Variants in SLC38A8 observed in about 807,000 individuals in gnomAD.
SLC38A8 encodes amino acid transporter SLC38A8.
SLC38A8 carries 65 observed loss-of-function variants against 46.0 expected under a neutral mutation model. The ratio of observed to expected loss-of-function variants is 1.41; its 90% CI spans 1.16 to 1.74. The LOEUF (loss-of-function observed/expected upper bound fraction) is 1.74. Ranked by LOEUF, SLC38A8 falls within the 40% of genes most tolerant of loss-of-function variation. The pLI is 0.00. For missense variants in SLC38A8, 998 were observed against 567.9 expected, an observed-to-expected ratio of 1.76 and a Z score of -7.70; for synonymous variants, 447 against 243.7, an observed-to-expected ratio of 1.83 and a Z score of -7.77.
intron 6 of SLC38A8, among the ~76,000 whole-genome samples, chr16:84,023,319 G>A (rs968687033): frequency 1.3e-5 from 2 of 152,152 alleles, no homozygotes; most frequent in African/African-American, 4.8e-5. Flanking sequence ...AGCAGGACTT[G>A]CATCAGGAAT....
At chr16:84,030,422 G>A (rs1477599102) in intron 5 of SLC38A8, among the ~76,000 whole-genome samples, 1 of 151,958 alleles carries the variant, frequency 6.6e-6, no homozygotes, top group African/African-American at 2.4e-5. Flanking sequence ...AGCACTCACA[G>A]CCTTCAATGC....
At chr16:84,032,684 A>C (rs1259071405) in intron 4 of SLC38A8, among the ~76,000 whole-genome samples, 1 of 152,204 alleles carries the variant, frequency 6.6e-6, no homozygotes, top group Non-Finnish European at 1.5e-5. Flanking sequence ...CAGAGACCTG[A>C]GGGAGGCTCG....
At chr16:84,042,320 A>C (rs981239134) in intron 1 of SLC38A8, among the ~76,000 whole-genome samples, 161 bp from the exon 2 acceptor site, 2 of 151,982 alleles carry the variant, frequency 1.3e-5, no homozygotes, top group Non-Finnish European at 2.9e-5. Flanking sequence ...TGCTGCATGC[A>C]TCTGCCCACG....
intron 8 of SLC38A8, 22 bp from the exon 9 acceptor site, chr16:84,016,749 G>C (rs775031541): frequency 6.2e-7 from 1 of 1,605,214 alleles, no homozygotes; most frequent in Non-Finnish European, 8.5e-7. Context: ...AGCCAACACA[G>C]ACACATGGGC....
chr16:84,034,340 C>A (rs375569055), intron 3 of SLC38A8, among the ~76,000 whole-genome samples: 2 of 152,266 alleles, frequency 1.3e-5, no homozygotes, highest in African/African-American at 4.8e-5. Context: ...CCACTAACCT[C>A]TCCGTGGAAA....
At chr16:84,038,294 A>G (rs7184319) in intron 2 of SLC38A8, among the ~76,000 whole-genome samples, 97,431 of 151,374 alleles carry the variant, frequency 0.64, 31,897 homozygotes, top group East Asian at 0.85. Context: ...CTGGGCCCCA[A>G]AGCGAGACTC....
chr16:84,042,122 T>G lies in SLC38A8; in HGVS notation c.36A>C (p.Pro12=). 1 of 1,613,694 alleles carries G rather than the reference T, an allele frequency of 6.2e-7. No individual in the cohort carries two copies. Among genetic ancestry groups the G allele is most frequent in the Non-Finnish European group, 8.5e-7 (1 of 1,179,864 alleles). The part of the protein sequence containing the change: ...EGQTPGSRGL[P]EKPHPATAAA... Reference sequence around the variant, plus strand: ...CAGCCGTGGCAGGGTGAGGCTTTTCTGGAAGGCCCCTGCTTCCTGGGGTCT... The same window carrying G: ...CAGCCGTGGCAGGGTGAGGCTTTTCGGGAAGGCCCCTGCTTCCTGGGGTCT... Residue 12 remains proline (P), a synonymous_variant, in exon 2 of 11, where the codon CCA becomes CCC. Transcript: ENST00000299709.
At position 84,024,221 on chromosome 16, in the gene SLC38A8, G is replaced by C. The variant is rs75989424; in HGVS notation, c.691-1332C>G. On this transcript the variant is annotated intron_variant, in intron 6 of 10. Transcript: ENST00000299709. Reference sequence around the variant, plus strand: ...GTGCTAGAAGGCAGGATGGTGGTTTGGGTAGGGTGGGTGCTACTGACCAGA... The same window carrying C: ...GTGCTAGAAGGCAGGATGGTGGTTTCGGTAGGGTGGGTGCTACTGACCAGA... Among the ~76,000 whole-genome samples the C allele has an allele frequency of 9.9e-3, 1,501 of 152,318 alleles. 35 individuals carry two copies. Among genetic ancestry groups the C allele is most frequent in the African/African-American group, 0.035 (1,454 of 41,576 alleles).
Position 84,033,437 on chromosome 16 carries a change from CGGGCGGGGT to C in SLC38A8, c.412_420del (p.Thr138_Pro140del), listed in dbSNP as rs2085268783. The stretch of plus-strand genomic sequence containing the variant: ...TGGTCTGCGTACCACGGCTGCGGGG[CGGGCGGGGT>C]GCCAGACAGGAGGGAGTCACACACT... On this transcript the variant is annotated inframe_deletion, in exon 4 of 11. Transcript: ENST00000299709. 1 of 1,610,402 alleles carries C rather than the reference CGGGCGGGGT, an allele frequency of 6.2e-7. No individual in the cohort carries two copies. Among genetic ancestry groups the C allele is most frequent in the South Asian group, 1.1e-5 (1 of 90,614 alleles).
chr16:84,038,116 G>A (rs1324652322), intron 2 of SLC38A8, among the ~76,000 whole-genome samples: 1 of 152,046 alleles, frequency 6.6e-6, no homozygotes, highest in Admixed American at 6.6e-5. Flanking sequence ...TTTGAGACCA[G>A]CCTGGCCAAC....
At chr16:84,034,549 G>C (rs1245877291) in intron 3 of SLC38A8, among the ~76,000 whole-genome samples, 1 of 152,236 alleles carries the variant, frequency 6.6e-6, no homozygotes, top group African/African-American at 2.4e-5. Flanking sequence ...CGAGGAGCTT[G>C]AGATGTCTTC....
At position 84,033,601 on chromosome 16, in the gene SLC38A8, C is replaced by T. The variant is rs1002689103; in HGVS notation, c.389-132G>A. ...CAGCCCCAGGAGCCCAGGGATCAGA[C>T]GACAAGTGAGATGGAGACAGGTCAC... On this transcript the variant is annotated intron_variant, in intron 3 of 10. Transcript: ENST00000299709. 5.3e-5 allele frequency: 55 copies of T among 1,038,684 alleles called. 1 individual carries two copies. The highest frequency in any genetic ancestry group is 1.5e-4 in the Admixed American group (5 of 32,284). The allele number at this position is 1,038,684 out of a possible 1,614,324, so 64.3% of individuals were successfully genotyped here.
chr16:84,031,455 C>G (rs189177140), intron 5 of SLC38A8, among the ~76,000 whole-genome samples: 128 of 152,318 alleles, frequency 8.4e-4, no homozygotes, highest in African/African-American at 3.1e-3. Flanking sequence ...GCTCTGAATC[C>G]CTGTACGACA....
At chr16:84,036,448 C>T (rs8053088) in intron 3 of SLC38A8, among the ~76,000 whole-genome samples, 1 of 152,104 alleles carries the variant, frequency 6.6e-6, no homozygotes, top group Non-Finnish European at 1.5e-5. Context: ...TGTGAAACGA[C>T]TTATCTCCAC....
chr16:84,026,201 T>C (rs916614590), intron 6 of SLC38A8, among the ~76,000 whole-genome samples: 2 of 152,098 alleles, frequency 1.3e-5, no homozygotes, highest in African/African-American at 2.4e-5. Flanking sequence ...TTTCTCCCTG[T>C]TTGACTCCGC....
chr16:84,009,993 AG>A (rs1428607004), intron 10 of SLC38A8, 116 bp from the exon 11 acceptor site: 17 of 735,126 alleles, frequency 2.3e-5, no homozygotes, highest in Non-Finnish European at 2.9e-5. Flanking sequence ...TTTGGAAAAA[AG>A]AAAAATTCAG....
chr16:84,016,797 C>G (rs1420849453), intron 8 of SLC38A8, 70 bp from the exon 9 acceptor site: 3 of 1,493,740 alleles, frequency 2.0e-6, no homozygotes, highest in African/African-American at 1.4e-5. Context: ...CAGCTGCTCC[C>G]CAGTCCTCCA....
intron 2 of SLC38A8, among the ~76,000 whole-genome samples, chr16:84,039,525 A>C (rs1174391049): frequency 6.6e-6 from 1 of 152,084 alleles, no homozygotes. Context: ...CGGGTGGATC[A>C]CCTGAGGTCA....
At chr16:84,034,114 A>C (rs1169597999) in intron 3 of SLC38A8, among the ~76,000 whole-genome samples, 3 of 152,164 alleles carry the variant, frequency 2.0e-5, no homozygotes. Context: ...TGATGGGTAC[A>C]CCTGGGCCTT....
Sources: allele counts gnomAD v4.1 joint callset (sites outside exome capture counted in the v4.1 genomes callset), GRCh38; gene constraint gnomAD v4.1.1; transcripts MANE v1.5; gene names NCBI Gene and HGNC (gene_info 2026-07-23, HGNC 2026-07-21).